VWA3B: variants seen among roughly 807,000 people sequenced by gnomAD.
VWA3B encodes von Willebrand factor A domain containing 3B.
Under a neutral mutation model 158.3 loss-of-function variants are expected in VWA3B, and 138 were observed. The ratio of observed to expected loss-of-function variants is 0.87; its 90% confidence interval spans 0.76 to 1.00. The LOEUF (loss-of-function observed/expected upper bound fraction) is 1.00. VWA3B is among the 50% of genes least tolerant of loss of function. The pLI is 0.00. For missense variants in VWA3B, 1,555 were observed against 1,565.1 expected (o/e 0.99, Z 0.11); for synonymous variants, 596 against 587.3 (o/e 1.01, Z -0.21).
chr2:98,149,539 T>C (rs1323543560), intron 7 of VWA3B, among the ~76,000 whole-genome samples: 1 of 152,230 alleles, frequency 6.6e-6, no homozygotes, highest in African/African-American at 2.4e-5. Flanking sequence ...AGTCAGAAGC[T>C]GACATGAAGT....
intron 12 of VWA3B, chr2:98,207,054 G>A (rs187734617): frequency 6.7e-5 from 34 of 503,878 alleles, no homozygotes; most frequent in Non-Finnish European, 1.2e-4. Context: ...ATGTACTCCT[G>A]TTTATTGATA....
chr2:98,176,197 TC>T (rs1243529762), intron 8 of VWA3B, among the ~76,000 whole-genome samples: 1 of 152,100 alleles, frequency 6.6e-6, no homozygotes, highest in Non-Finnish European at 1.5e-5. Flanking sequence ...GTTATGTTTC[TC>T]CCTCCTTTCC....
intron 22 of VWA3B, among the ~76,000 whole-genome samples, chr2:98,284,627 G>A (rs1267106744): frequency 6.6e-6 from 1 of 152,158 alleles, no homozygotes; most frequent in African/African-American, 2.4e-5. Flanking sequence ...TAGCTATATA[G>A]CTATATCACT....
intron 8 of VWA3B, among the ~76,000 whole-genome samples, chr2:98,176,160 G>A (rs1558636814): frequency 6.6e-6 from 1 of 152,102 alleles, no homozygotes; most frequent in Admixed American, 6.5e-5. Context: ...ACCAGCAGGC[G>A]AGACCACATT....
downstream of VWA3B, among the ~76,000 whole-genome samples, chr2:98,314,995 A>C (rs1472943463): frequency 6.6e-6 from 1 of 152,078 alleles, no homozygotes; most frequent in African/African-American, 2.4e-5. Flanking sequence ...AAAAAAAAAA[A>C]AGAAAAAAAA....
intron 5 of VWA3B, chr2:98,128,014 C>A: frequency 4.3e-6 from 2 of 464,418 alleles, no homozygotes; most frequent in Non-Finnish European, 7.8e-6. Context: ...CTTCTCGTGC[C>A]TTACCCAAGA....
intron 21 of VWA3B, among the ~76,000 whole-genome samples, chr2:98,265,355 C>A (rs1687744654): frequency 6.6e-6 from 1 of 151,500 alleles, no homozygotes. Context: ...CATCCATGTC[C>A]CTACAAAGGA....
At chr2:98,252,991 A>G (rs1306293251) in intron 20 of VWA3B, among the ~76,000 whole-genome samples, 1 of 152,176 alleles carries the variant, frequency 6.6e-6, no homozygotes, top group Non-Finnish European at 1.5e-5. Context: ...TACTGATTGA[A>G]TTGTTATTAT....
chr2:98,092,047 A>T (rs1471441382), intron 1 of VWA3B, among the ~76,000 whole-genome samples: 1 of 152,252 alleles, frequency 6.6e-6, no homozygotes, highest in Non-Finnish European at 1.5e-5. Context: ...ACAGATGGCT[A>T]CATGGGCCAG....
chr2:98,178,776 G>A (rs1246293340), intron 8 of VWA3B, among the ~76,000 whole-genome samples: 1 of 152,150 alleles, frequency 6.6e-6, no homozygotes, highest in East Asian at 1.9e-4. Context: ...TGGGACTCAG[G>A]CATCAGTATT....
intron 22 of VWA3B, among the ~76,000 whole-genome samples, chr2:98,284,503 C>T (rs1419958378): frequency 6.6e-6 from 1 of 152,114 alleles, no homozygotes; most frequent in Non-Finnish European, 1.5e-5. Flanking sequence ...TTTTTATAGC[C>T]AACTGCCTCA....
the VWA3B span, among the ~76,000 whole-genome samples, chr2:98,328,893 T>C: frequency 6.6e-6 from 1 of 152,288 alleles, no homozygotes; most frequent in Admixed American, 6.5e-5. Flanking sequence ...CTTAATAAAA[T>C]ACCATGAAGT....
intron 12 of VWA3B, among the ~76,000 whole-genome samples, chr2:98,203,806 C>T (rs376104167): frequency 5.9e-5 from 9 of 152,262 alleles, no homozygotes; most frequent in African/African-American, 2.2e-4. Flanking sequence ...CGTACTATTT[C>T]GCTTTTTGTT....
In VWA3B at chr2:98,236,433, G is replaced by A. The variant is rs571984789; in HGVS notation, c.2472G>A (p.Ser824=). ...LLAEEWLDDK[S]SEKVTREGSQ... ...CTGAGGAGTGGCTGGATGACAAATC[G>A]TCAGAAAAGGTGACGCGAGAAGGAA... The change falls in exon 18 of 28, where the codon TCG becomes TCA. Residue 824 remains serine (S), a synonymous_variant. Transcript: ENST00000477737. 5.0e-6 allele frequency: 8 copies of A among 1,614,176 alleles called. No homozygotes were observed. The highest frequency in any genetic ancestry group is 2.2e-5 in the East Asian group (1 of 44,892).
chr2:98,273,585 ATCT>A (rs1486793956), intron 22 of VWA3B, among the ~76,000 whole-genome samples: 3 of 152,184 alleles, frequency 2.0e-5, no homozygotes, highest in Non-Finnish European at 4.4e-5. Context: ...TGAAAAGATG[ATCT>A]TCTTCTCATT....
At chr2:98,115,890 A>G (rs1674497362) in intron 3 of VWA3B, 144 bp downstream of exon 3, 2 of 596,158 alleles carry the variant, frequency 3.4e-6, no homozygotes, top group Non-Finnish European at 5.7e-6. Context: ...TTCTTTTGGC[A>G]TTGATAGGGT....
At chr2:98,295,712 C>A (rs970052364) in intron 23 of VWA3B, among the ~76,000 whole-genome samples, 3 of 152,230 alleles carry the variant, frequency 2.0e-5, no homozygotes, top group African/African-American at 7.2e-5. Context: ...GGAGACACAG[C>A]CTCACCTCTC....
intron 1 of VWA3B, among the ~76,000 whole-genome samples, chr2:98,091,250 T>G (rs1464899061): frequency 6.6e-6 from 1 of 152,194 alleles, no homozygotes; most frequent in African/African-American, 2.4e-5. Context: ...TGGCTTTGAC[T>G]CCTGCTTTTC....
chr2:98,284,319 A>AATGAACCTAAAAAGCATCTCCAC (rs1208256838), intron 22 of VWA3B, among the ~76,000 whole-genome samples: 2 of 152,182 alleles, frequency 1.3e-5, no homozygotes, highest in Admixed American at 1.3e-4. Context: ...CGCTTATTTT[A>AATGAACCTAAAAAGCATCTCCAC]ATGAACCTAA....
Sources: gnomAD v4.1 joint callset for allele counts (sites outside exome capture counted in the v4.1 genomes callset) on GRCh38, gnomAD v4.1.1 for gene constraint, MANE v1.5 for transcripts, NCBI Gene and HGNC (gene_info 2026-07-23, HGNC 2026-07-21) for gene names.